Variants in CNTN5 observed in about 807,000 individuals in gnomAD.
CNTN5 encodes the protein contactin 5, also known as contactin-5.
A neutral mutation model predicts 129.1 loss-of-function variants in CNTN5; 77 were observed. The observed-to-expected ratio is 0.60, with a 90% CI of 0.50 to 0.72. CNTN5 has a LOEUF of 0.72. Among genes scored for constraint, CNTN5 ranks in the 30% least tolerant of loss-of-function variants. The pLI is 0.00. For synonymous variants in CNTN5, 509 were observed against 465.6 expected, an observed-to-expected ratio of 1.09 and a Z score of -1.20; for missense variants, 1,478 against 1,328.8, an observed-to-expected ratio of 1.11 and a Z score of -1.75.
At position 100,210,872 on chromosome 11, in the gene CNTN5, G is replaced by A. The variant is rs907139891; in HGVS notation, c.1885-13820G>A. ...AACTATATGGCTCGATATGCCAAAA[G>A]ATAATTCAAATATAGATTGTGTATT... On this transcript the variant is annotated intron_variant, in intron 15 of 24. Coordinates refer to ENST00000524871, the MANE Select transcript of CNTN5 (RefSeq NM_014361.4). Among the ~76,000 whole-genome samples, 25 of 152,174 alleles carry A rather than the reference G, an allele frequency of 1.6e-4. 1 individual carries two copies. The highest frequency in any genetic ancestry group is 2.9e-5 in the Non-Finnish European group (2 of 68,024).
intron 6 of CNTN5, among the ~76,000 whole-genome samples, chr11:99,891,640 TC>T (rs1949061984): frequency 6.6e-6 from 1 of 152,166 alleles, no homozygotes. Context: ...TTCATTCATG[TC>T]CCTGCAAAGG....
intron 2 of CNTN5, among the ~76,000 whole-genome samples, chr11:99,494,224 C>A (rs988147618): frequency 2.0e-5 from 3 of 152,112 alleles, no homozygotes; most frequent in African/African-American, 4.8e-5. Flanking sequence ...AACCAAAGCC[C>A]AGATGGAATG....
At chr11:99,055,709 A>G (rs1364526509) in intron 1 of CNTN5, among the ~76,000 whole-genome samples, 1 of 152,030 alleles carries the variant, frequency 6.6e-6, no homozygotes, top group Non-Finnish European at 1.5e-5. Flanking sequence ...TTATAAAAAA[A>G]GTACACTGCC....
chr11:99,564,491 T>C (rs1161919307), intron 3 of CNTN5, among the ~76,000 whole-genome samples: 2 of 152,124 alleles, frequency 1.3e-5, no homozygotes, highest in Non-Finnish European at 2.9e-5. Context: ...ACTCATTAGC[T>C]GAACGTAAAA....
chr11:100,191,062 G>A (rs758073163), intron 13 of CNTN5, 64 bp from the exon 14 acceptor site: 9 of 1,141,278 alleles, frequency 7.9e-6, no homozygotes, highest in Non-Finnish European at 1.1e-5. Flanking sequence ...CTTCATCATT[G>A]GTTCTTACTA....
At chr11:100,007,136 A>C (rs1391692148) in intron 9 of CNTN5, among the ~76,000 whole-genome samples, 2 of 152,108 alleles carry the variant, frequency 1.3e-5, no homozygotes, top group Non-Finnish European at 2.9e-5. Flanking sequence ...TAAAATATTT[A>C]GTAAACCATG....
chr11:99,541,125 A>T (rs1304229458), intron 2 of CNTN5, among the ~76,000 whole-genome samples: 1 of 152,178 alleles, frequency 6.6e-6, no homozygotes, highest in Admixed American at 6.6e-5. Flanking sequence ...CTTGAGAAAT[A>T]ACTCTGCCCT....
At chr11:100,214,564 C>T (rs1192337985) in intron 15 of CNTN5, among the ~76,000 whole-genome samples, 1 of 152,184 alleles carries the variant, frequency 6.6e-6, no homozygotes, top group East Asian at 1.9e-4. Flanking sequence ...CTTTCCAACA[C>T]TACGTGGAAG....
chr11:99,826,603 G>T (rs1946966551), intron 4 of CNTN5, among the ~76,000 whole-genome samples: 3 of 152,196 alleles, frequency 2.0e-5, no homozygotes, highest in African/African-American at 4.8e-5. Context: ...TATTGCATGT[G>T]TAGAAGTACA....
chr11:99,329,946 CACACACACACAATCCCTTATATTTAA>C (rs1322565090), intron 2 of CNTN5, among the ~76,000 whole-genome samples: 1 of 149,196 alleles, frequency 6.7e-6, no homozygotes, highest in Non-Finnish European at 1.5e-5. Context: ...CACACACACA[CACACACACACAATCCCTTATATTTAA>C]AGCTTGGTAT....
At chr11:99,669,454 GTGTGTGTGTGTGTGTGTGTATA>G (rs1292540306) in intron 3 of CNTN5, among the ~76,000 whole-genome samples, 3 of 78,642 alleles carry the variant, frequency 3.8e-5, no homozygotes, top group South Asian at 3.5e-4. Flanking sequence ...GTGTGTGTGT[GTGTGTGTGTGTGTGTGTGTATA>G]TGTGTATACA....
In CNTN5 at chr11:99,567,798, T is replaced by C. The variant is rs574405827; in HGVS notation, c.55+11529T>C. On this transcript the variant is annotated intron_variant, in intron 3 of 24. Transcript: ENST00000524871. ...AACCCAAGTTGACTTTTATCAGCTGTGCCCTGGCGGTATTAGACGTGTAAT... is the reference window on the plus strand; with the variant it reads ...AACCCAAGTTGACTTTTATCAGCTGCGCCCTGGCGGTATTAGACGTGTAAT... Among the ~76,000 whole-genome samples, 31 of 152,338 alleles carry C rather than the reference T, an allele frequency of 2.0e-4. No homozygotes were observed. In the South Asian group the frequency reaches 3.9e-3, roughly 19 times the overall value.
intron 3 of CNTN5, among the ~76,000 whole-genome samples, chr11:99,759,999 A>G (rs1420475209): frequency 6.6e-6 from 1 of 152,102 alleles, no homozygotes; most frequent in East Asian, 1.9e-4. Context: ...ACAGAGTTTG[A>G]GATGACAGTG....
chr11:100,117,990 C>T (rs926818488), intron 13 of CNTN5, among the ~76,000 whole-genome samples: 10 of 151,526 alleles, frequency 6.6e-5, no homozygotes, highest in Admixed American at 2.0e-4. Context: ...GAATTCAACA[C>T]GAACTGGGAA....
At chr11:99,389,879 G>T (rs576881726) in intron 2 of CNTN5, among the ~76,000 whole-genome samples, 262 of 152,110 alleles carry the variant, frequency 1.7e-3, no homozygotes, top group African/African-American at 6.2e-3. Context: ...AACCAGAATT[G>T]GCCTTTCCTT....
intron 2 of CNTN5, among the ~76,000 whole-genome samples, chr11:99,361,157 C>A (rs1003829251): frequency 6.6e-6 from 1 of 152,132 alleles, no homozygotes; most frequent in African/African-American, 2.4e-5. Context: ...ATATTTCTAT[C>A]AACGTCCTAT....
intron 21 of CNTN5, chr11:100,309,167 A>T: frequency 1.0e-6 from 1 of 985,058 alleles, no homozygotes; most frequent in Non-Finnish European, 1.2e-6. Context: ...AATGTCTAAA[A>T]GAAAAAAAGA....
At chr11:100,063,848 C>T (rs909512851) in intron 10 of CNTN5, among the ~76,000 whole-genome samples, 6 of 152,068 alleles carry the variant, frequency 3.9e-5, no homozygotes, top group Middle Eastern at 3.2e-3. Context: ...TATAGTGCCT[C>T]TGTATTCCAG....
intron 17 of CNTN5, among the ~76,000 whole-genome samples, chr11:100,260,803 G>A (rs1402051250): frequency 6.6e-6 from 1 of 151,994 alleles, no homozygotes; most frequent in Non-Finnish European, 1.5e-5. Flanking sequence ...TCTCAAAATA[G>A]TAAGAGTTAT....
Sources: gnomAD v4.1 joint callset for allele counts (sites outside exome capture counted in the v4.1 genomes callset) on GRCh38, gnomAD v4.1.1 for gene constraint, MANE v1.5 for transcripts, NCBI Gene and HGNC (gene_info 2026-07-23, HGNC 2026-07-21) for gene names.